PADI6: variants seen among roughly 807,000 people sequenced by gnomAD.
The protein encoded by PADI6 is inactive protein-arginine deiminase type-6.
PADI6 carries 66 observed loss-of-function variants against 78.2 expected under a neutral mutation model. That is an observed-to-expected ratio of 0.84 (90% CI 0.69 to 1.04). PADI6 has a LOEUF of 1.04. Ranked by LOEUF, PADI6 falls within the 50% of genes least tolerant of loss-of-function variation. PADI6 has a pLI of 0.00. For synonymous variants in PADI6, 397 were observed against 346.9 expected (o/e 1.14, Z -1.60); for missense variants, 854 against 866.1 (o/e 0.99, Z 0.18).
chr1:17,387,475 G>A (rs957834729), intron 6 of PADI6, among the ~76,000 whole-genome samples: 42 of 151,312 alleles, frequency 2.8e-4, no homozygotes, highest in Non-Finnish European at 4.7e-4. Context: ...GGGGCCAGGC[G>A]TGGTAGCTCA....
intron 4 of PADI6, among the ~76,000 whole-genome samples, chr1:17,380,231 A>T (rs541125191): frequency 6.6e-6 from 1 of 151,660 alleles, no homozygotes; most frequent in East Asian, 1.9e-4. Flanking sequence ...GTTGTTTTTG[A>T]TGGAGTTTCC....
At chr1:17,384,288 C>A (rs1247646203) in intron 6 of PADI6, among the ~76,000 whole-genome samples, 1 of 151,776 alleles carries the variant, frequency 6.6e-6, no homozygotes, top group Non-Finnish European at 1.5e-5. Flanking sequence ...GAATAGAAAG[C>A]CAGAATACAG....
At chr1:17,392,642 A>G (rs945502020) in intron 9 of PADI6, among the ~76,000 whole-genome samples, 1 of 152,228 alleles carries the variant, frequency 6.6e-6, no homozygotes, top group Non-Finnish European at 1.5e-5. Flanking sequence ...CATGCTAGGC[A>G]CGCCATCCTG....
chr1:17,375,844 T>G (rs2075010698), intron 3 of PADI6, among the ~76,000 whole-genome samples: 1 of 152,190 alleles, frequency 6.6e-6, no homozygotes, highest in Non-Finnish European at 1.5e-5. Context: ...AAGTTAGTCT[T>G]TCTTGTCTCA....
Position 17,397,648 on chromosome 1 carries a change from C to CACTACAAACCCTGCAGATAGCCCTATAAA in PADI6, c.1689+537_1689+565dup, listed in dbSNP as rs1434870108. ...GGCCCAAGCATTTTGCGAGATACCT[C>CACTACAAACCCTGCAGATAGCCCTATAAA]ACTACAAACCCTGCAGATAGCCCTA... On this transcript the variant is annotated intron_variant, in intron 14 of 15. Transcript: ENST00000619609. 3.9e-4 allele frequency among the ~76,000 whole-genome samples: 59 copies of CACTACAAACCCTGCAGATAGCCCTATAAA among 152,166 alleles called. 1 individual carries two copies. The highest frequency in any genetic ancestry group is 1.2e-3 in the Admixed American group (18 of 15,272).
chr1:17,394,604 G>C, intron 11 of PADI6, 150 bp downstream of exon 11: 1 of 862,316 alleles, frequency 1.2e-6, no homozygotes, highest in Non-Finnish European at 1.7e-6. Context: ...TCACGTGGGA[G>C]ACTAAAGATG....
intron 8 of PADI6, among the ~76,000 whole-genome samples, chr1:17,391,874 C>T (rs955683862): frequency 2.6e-5 from 4 of 152,190 alleles, no homozygotes; most frequent in African/African-American, 4.8e-5. Context: ...GGGAAGGGGC[C>T]GCCACTGGCA....
chr1:17,388,938 TTCTA>T (rs2075155145), intron 8 of PADI6, 58 bp downstream of exon 8: 4 of 1,372,530 alleles, frequency 2.9e-6, no homozygotes, highest in Non-Finnish European at 4.1e-6. Flanking sequence ...ACCCTCTTCT[TTCTA>T]TATGCAGGGC....
chr1:17,389,357 G>GC (rs2075159431), intron 8 of PADI6, among the ~76,000 whole-genome samples: 1 of 152,176 alleles, frequency 6.6e-6, no homozygotes, highest in Non-Finnish European at 1.5e-5. Flanking sequence ...TCACCTGGAT[G>GC]CCTGCAGGAA....
chr1:17,382,914 C>T (rs143910166), intron 6 of PADI6, among the ~76,000 whole-genome samples: 1 of 152,176 alleles, frequency 6.6e-6, no homozygotes, highest in Admixed American at 6.5e-5. Flanking sequence ...CCTCACACTC[C>T]CAAGGAGCTG....
At chr1:17,378,737 T>C (rs1276264870) in intron 3 of PADI6, among the ~76,000 whole-genome samples, 1 of 151,988 alleles carries the variant, frequency 6.6e-6, no homozygotes, top group African/African-American at 2.4e-5. Context: ...CCTGAGTAGC[T>C]GGAACTACAA....
intron 13 of PADI6, among the ~76,000 whole-genome samples, chr1:17,395,992 A>AG (rs1380588751): frequency 6.6e-6 from 1 of 152,138 alleles, no homozygotes; most frequent in Non-Finnish European, 1.5e-5. Context: ...TTAAGTATCT[A>AG]GGGACTGGGA....
Position 17,398,841 on chromosome 1 carries a change from T to C in PADI6, c.1845T>C (p.Pro615=), listed in dbSNP as rs375149126. 10 of 1,612,766 alleles carry C rather than the reference T, an allele frequency of 6.2e-6. No individual in the cohort carries two copies. The African/African-American group carries it at 1.2e-4, about 19-fold the overall frequency. ...GGTCCTTTGCGAGGCCATACTTCCC[T>C]GACCTGGTGAGGGGCGACTGCGCAT... ...PKRSFARPYF[P]DLLRMIVMGK... The change falls in exon 15 of 16, where the codon CCT becomes CCC. Residue 615 remains proline, a synonymous_variant. Coordinates refer to ENST00000619609, the MANE Select transcript of PADI6 (RefSeq NM_207421.4).
chr1:17,384,471 G>A (rs952780965), intron 6 of PADI6, among the ~76,000 whole-genome samples: 2 of 150,102 alleles, frequency 1.3e-5, no homozygotes, highest in African/African-American at 4.9e-5. Flanking sequence ...CAGGCGTGGT[G>A]GTTCATGCCT....
intron 3 of PADI6, among the ~76,000 whole-genome samples, chr1:17,377,048 T>C (rs1479505266): frequency 2.0e-5 from 3 of 152,134 alleles, no homozygotes; most frequent in Non-Finnish European, 2.9e-5. Context: ...TAATTTTTTA[T>C]ACAGACATAG....
intron 15 of PADI6, among the ~76,000 whole-genome samples, chr1:17,399,864 C>A (rs2075284374): frequency 6.6e-6 from 1 of 151,852 alleles, no homozygotes; most frequent in African/African-American, 2.4e-5. Flanking sequence ...ATGGTTGAAA[C>A]TCTCTAGTAA....
chr1:17,380,495 G>A (rs560697396), intron 4 of PADI6, among the ~76,000 whole-genome samples: 2 of 152,198 alleles, frequency 1.3e-5, no homozygotes, highest in Non-Finnish European at 2.9e-5. Flanking sequence ...AGCCTGCCGA[G>A]TAGCTGGGAC....
chr1:17,375,296 C>G, intron 2 of PADI6, 131 bp from the exon 3 acceptor site: 1 of 801,910 alleles, frequency 1.2e-6, no homozygotes, highest in East Asian at 2.7e-5. Flanking sequence ...CATACCAGCT[C>G]ATAGGTGAGA....
At position 17,394,952 on chromosome 1, in the gene PADI6, G is replaced by A. The variant is rs768078844; in HGVS notation, c.1339G>A (p.Ala447Thr). ...CTGTTCTTTCCATCTTCCTTCTAGC[G>A]CAGAGGGCCGGGCCATGAGTAAGAC... ...VLIGSSFYPSAEGRAMSKTLR... is the reference protein window; with the variant it reads ...VLIGSSFYPSTEGRAMSKTLR... Residue 447 changes from alanine (A) to threonine (T), a missense_variant and splice_region_variant, in exon 12 of 16, where the codon GCA becomes ACA. Coordinates refer to ENST00000619609, the MANE Select transcript of PADI6 (RefSeq NM_207421.4). The A allele has an allele frequency of 2.2e-5, 36 of 1,609,288 alleles. No homozygotes were observed. Among genetic ancestry groups the A allele is most frequent in the South Asian group, 2.0e-4 (18 of 90,692 alleles).
Sources: allele counts gnomAD v4.1 joint callset (sites outside exome capture counted in the v4.1 genomes callset), GRCh38; gene constraint gnomAD v4.1.1; transcripts MANE v1.5; gene names NCBI Gene and HGNC (gene_info 2026-07-23, HGNC 2026-07-21).